SAMD4B: variants seen among roughly 807,000 people sequenced by gnomAD.
SAMD4B encodes protein Smaug homolog 2.
Under a neutral mutation model 74.5 loss-of-function variants are expected in SAMD4B, and 5 were observed. The ratio of observed to expected loss-of-function variants is 0.07; its 90% CI spans 0.04 to 0.14. The LOEUF (loss-of-function observed/expected upper bound fraction) is 0.14. Ranked by LOEUF, SAMD4B falls within the 10% of genes least tolerant of loss-of-function variation. The probability of loss-of-function intolerance (pLI) is 1.00; values close to 1 mark genes in which losing one functional copy is unlikely to be tolerated. For synonymous variants in SAMD4B, 373 were observed against 374.9 expected (o/e 1.00, Z 0.06); for missense variants, 608 against 921.8 (o/e 0.66, Z 4.41).
Position 39,375,551 on chromosome 19 carries a change from A to T in SAMD4B, c.668-99A>T. ...CCAGGTCCCTTCCTCTTGGCAGGTT[A>T]TGGGGCCAAACTGCCATCCTGGCAC... On this transcript the variant is annotated intron_variant, in intron 4 of 13. Transcript: ENST00000610417. This position sits in a 1 kb window ranked among gnomAD's most constrained non-coding sequence, Gnocchi z 4.1. The T allele has an allele frequency of 3.4e-6, 5 of 1,476,500 alleles. No individual in the cohort carries two copies. The highest frequency in any genetic ancestry group is 1.3e-5 in the South Asian group (1 of 76,842). The allele number at this position is 1,476,500 out of a possible 1,614,324, so 91.5% of individuals were successfully genotyped here.
At chr19:39,346,003 C>A (rs2075679438) in intron 1 of SAMD4B, among the ~76,000 whole-genome samples, 1 of 152,178 alleles carries the variant, frequency 6.6e-6, no homozygotes, top group Non-Finnish European at 1.5e-5. Flanking sequence ...CCTCACCCGT[C>A]CTGGTTGGCT....
chr19:39,389,022 G>T, downstream of SAMD4B: 1 of 1,613,920 alleles, frequency 6.2e-7, no homozygotes. This position sits in a 1 kb window ranked among gnomAD's most constrained non-coding sequence, Gnocchi z 5.3. Flanking sequence ...AGATCTGGTG[G>T]AACAAAAACA....
chr19:39,385,877 G>A (rs1388203992), downstream of SAMD4B: 2 of 1,465,280 alleles, frequency 1.4e-6, no homozygotes, highest in Middle Eastern at 3.5e-4. Flanking sequence ...TTTATTAACA[G>A]CAAAGGTTTG....
chr19:39,381,076 C>T lies in SAMD4B; in HGVS notation c.1935C>T (p.Val645=). 6.2e-7 allele frequency: 1 copy of T among 1,612,788 alleles called. No individual in the cohort carries two copies. The highest frequency in any genetic ancestry group is 8.5e-7 in the Non-Finnish European group (1 of 1,179,882). ...TGCAGCGCACCCACTCGCTCCCGGTCCACTCGTCACCCCAGGCCATTCTCA... is the reference window on the plus strand; with the variant it reads ...TGCAGCGCACCCACTCGCTCCCGGTTCACTCGTCACCCCAGGCCATTCTCA... ...SSVQRTHSLP[V]HSSPQAILMF... The change falls in exon 12 of 14, where the codon GTC becomes GTT. Residue 645 remains valine (V), a synonymous_variant. Coordinates refer to ENST00000610417, the MANE Select transcript of SAMD4B (RefSeq NM_001384574.2).
At chr19:39,389,788 G>A (rs769245463), downstream of SAMD4B, 1 of 1,613,784 alleles carries the variant, frequency 6.2e-7, no homozygotes, top group Admixed American at 1.7e-5. The surrounding 1 kb of genome is among the most constrained non-coding windows in gnomAD (Gnocchi z 5.3). Context: ...CTATTGTGGT[G>A]TTTGGATTCC....
chr19:39,390,666 G>A, downstream of SAMD4B: 1 of 792,478 alleles, frequency 1.3e-6, no homozygotes, highest in Non-Finnish European at 2.1e-6. Context: ...CGGGGAGGAG[G>A]GGAACACCTG....
rs570590928 is a variant in SAMD4B, at chr19:39,344,379, C to G, written c.-267+1803C>G. 4.0e-5 allele frequency among the ~76,000 whole-genome samples: 6 copies of G among 151,522 alleles called. No individual in the cohort carries two copies. In the South Asian group the frequency reaches 1.2e-3, roughly 32 times the overall value. On this transcript the variant is annotated intron_variant, in intron 1 of 13. Coordinates refer to ENST00000610417, the MANE Select transcript of SAMD4B (RefSeq NM_001384574.2). ...AACTGAGATCTCTGAAGAGTTTTTC[C>G]TAAAAACATCCCTCTGTCATCCCAC...
Position 39,378,627 on chromosome 19 carries a change from G to A in SAMD4B, c.1530+38G>A, listed in dbSNP as rs776302844. On this transcript the variant is annotated intron_variant, in intron 9 of 13. Transcript: ENST00000610417. This position sits in a 1 kb window ranked among gnomAD's most constrained non-coding sequence, Gnocchi z 4.4. ...CTAGCATACTCAAAAAGGGAAAGGC[G>A]GCCAGGCGTGGTGGTTCACGCCTGT... The A allele has an allele frequency of 1.4e-5, 22 of 1,583,864 alleles. No individual in the cohort carries two copies. Among genetic ancestry groups the A allele is most frequent in the African/African-American group, 5.4e-5 (4 of 74,256 alleles).
In SAMD4B at chr19:39,380,725, T is replaced by C. The variant is rs753791888; in HGVS notation, c.1788T>C (p.Ile596=). The C allele has an allele frequency of 1.2e-6, 2 of 1,608,308 alleles. No individual in the cohort carries two copies. Among genetic ancestry groups the C allele is most frequent in the Non-Finnish European group, 1.7e-6 (2 of 1,177,338 alleles). The change falls in exon 11 of 14, where the codon ATT becomes ATC. Residue 596 remains isoleucine, a synonymous_variant. Transcript: ENST00000610417. ...TGGGCCTCCTGAGCCCCTCGGGCATTGGGGGTGTCTCCCCTCGACATGCCC... is the reference window on the plus strand; with the variant it reads ...TGGGCCTCCTGAGCCCCTCGGGCATCGGGGGTGTCTCCCCTCGACATGCCC... ...GRMGLLSPSG[I]GGVSPRHALT...
At chr19:39,359,541 C>A (rs1047973527) in intron 3 of SAMD4B, among the ~76,000 whole-genome samples, 7 of 152,152 alleles carry the variant, frequency 4.6e-5, no homozygotes, top group Non-Finnish European at 1.0e-4. Context: ...TTTTCACTTA[C>A]CAATATGATT....
intron 1 of SAMD4B, among the ~76,000 whole-genome samples, chr19:39,342,865 C>A (rs1167640824): frequency 6.6e-6 from 1 of 151,444 alleles, no homozygotes; most frequent in Non-Finnish European, 1.5e-5. Flanking sequence ...CTCCTCAGGA[C>A]CCCCCGCACA....
In SAMD4B at chr19:39,375,328, A is replaced by G. The variant is rs373195716; in HGVS notation, c.668-322A>G. On this transcript the variant is annotated intron_variant, in intron 4 of 13. Coordinates refer to ENST00000610417, the MANE Select transcript of SAMD4B (RefSeq NM_001384574.2). The surrounding 1 kb of genome is among the most constrained non-coding windows in gnomAD (Gnocchi z 4.1). ...TAGAAGGACCTTTATGGCTGTTGTG[A>G]GGGGCGTGGACTGTAGGAGGCAAGA... Among the ~76,000 whole-genome samples the G allele has an allele frequency of 6.6e-6, 1 of 152,092 alleles. No individual in the cohort carries two copies. Among genetic ancestry groups the G allele is most frequent in the Non-Finnish European group, 1.5e-5 (1 of 67,996 alleles).
intron 4 of SAMD4B, among the ~76,000 whole-genome samples, chr19:39,372,803 C>CA (rs3837979): frequency 0.034 from 5,203 of 152,112 alleles, 219 homozygotes; most frequent in African/African-American, 0.095. Context: ...CCAAAACAGG[C>CA]AAAAAGGCCT....
chr19:39,365,438 C>T (rs958401173), intron 3 of SAMD4B, among the ~76,000 whole-genome samples: 1 of 152,016 alleles, frequency 6.6e-6, no homozygotes, highest in African/African-American at 2.4e-5. Context: ...CCTGTAATCC[C>T]AGCTACTGGT....
Position 39,369,790 on chromosome 19 carries a change from A to T in SAMD4B, c.332A>T (p.Tyr111Phe), listed in dbSNP as rs773704185. The change falls in exon 4 of 14, where the codon TAC (tyrosine) becomes TTC (phenylalanine). Residue 111 changes from tyrosine (Y) to phenylalanine (F), a missense_variant. By Grantham distance (22) the Tyr-to-Phe change is conservative. Coordinates refer to ENST00000610417, the MANE Select transcript of SAMD4B (RefSeq NM_001384574.2). ...AGGCTACTGCAGAAAGTGCTGGCCT[A>T]CTCAATCGAGAGCAATGCTTTCATC... ...YMRLLQKVLA[Y>F]SIESNAFIEE... is the part of the protein sequence containing the mutation. 3 of 1,614,216 alleles carry T rather than the reference A, an allele frequency of 1.9e-6. No homozygotes were observed. In the South Asian group the frequency reaches 3.3e-5, roughly 18 times the overall value.
At chr19:39,344,634 C>T (rs1442222728) in intron 1 of SAMD4B, among the ~76,000 whole-genome samples, 1 of 152,122 alleles carries the variant, frequency 6.6e-6, no homozygotes, top group African/African-American at 2.4e-5. Flanking sequence ...CATTCTCTTT[C>T]CTCTGAAGTC....
At position 39,375,796 on chromosome 19, in the gene SAMD4B, C is replaced by T; in HGVS notation, c.814C>T (p.Pro272Ser). 1 of 1,614,054 alleles carries T rather than the reference C, an allele frequency of 6.2e-7. No individual in the cohort carries two copies. Among genetic ancestry groups the T allele is most frequent in the Non-Finnish European group, 8.5e-7 (1 of 1,180,042 alleles). Residue 272 changes from proline (P) to serine (S), a missense_variant, in exon 5 of 14, where the codon CCC (proline) becomes TCC (serine). Pro to Ser is a moderately conservative substitution (Grantham distance 74, BLOSUM62 -1). Coordinates refer to ENST00000610417, the MANE Select transcript of SAMD4B (RefSeq NM_001384574.2). The surrounding 1 kb of genome is among the most constrained non-coding windows in gnomAD (Gnocchi z 4.1). Reference protein sequence around the residue: ...FTTPDHAPLSPQSSVASSGSE... With the variant: ...FTTPDHAPLSSQSSVASSGSE... ...CACGCCCGATCACGCACCTCTCTCG[C>T]CCCAGAGCAGCGTGGCCTCCTCTGG...
chr19:39,387,248 ATAG>A, downstream of SAMD4B: 1 of 398,112 alleles, frequency 2.5e-6, no homozygotes, highest in South Asian at 1.9e-5. Context: ...TTGTAATACA[ATAG>A]TAAGTATTTG....
downstream of SAMD4B, chr19:39,389,001 G>A (rs780605373): frequency 3.7e-6 from 6 of 1,614,044 alleles, no homozygotes; most frequent in South Asian, 4.4e-5. This position sits in a 1 kb window ranked among gnomAD's most constrained non-coding sequence, Gnocchi z 5.3. Context: ...GGGGTTTGCT[G>A]TAATGCTGTG....
Sources: allele counts gnomAD v4.1 joint callset (sites outside exome capture counted in the v4.1 genomes callset), GRCh38; gene constraint gnomAD v4.1.1; non-coding constraint Gnocchi (gnomAD v3.1); transcripts MANE v1.5; gene names NCBI Gene and HGNC (gene_info 2026-07-23, HGNC 2026-07-21).